Variants in PLXNA4 observed in about 807,000 individuals in gnomAD.
PLXNA4 encodes the protein plexin A4.
PLXNA4 carries 44 observed loss-of-function variants against 191.8 expected under a neutral mutation model. The observed-to-expected ratio is 0.23, with a 90% CI of 0.18 to 0.29. The LOEUF (loss-of-function observed/expected upper bound fraction) is 0.29. PLXNA4 is among the 10% of genes least tolerant of loss of function. The pLI, the probability that PLXNA4 is intolerant of heterozygous loss-of-function variation, is 1.00. For missense variants in PLXNA4, 1,800 were observed against 2,488.8 expected (o/e 0.72, Z 5.89); for synonymous variants, 1,082 against 1,009.5 (o/e 1.07, Z -1.36).
At chr7:132,646,184 CA>C (rs1322956244) in intron 1 of PLXNA4, 2 of 152,440 alleles carry the variant, frequency 1.3e-5, no homozygotes, top group Admixed American at 1.3e-4. Context: ...TCATAGAACA[CA>C]CTAATCTCCC....
intron 21 of PLXNA4, among the ~76,000 whole-genome samples, chr7:132,171,707 A>G (rs554113547): frequency 6.6e-6 from 1 of 152,284 alleles, no homozygotes; most frequent in Admixed American, 6.5e-5. Context: ...AGATTTTAGC[A>G]AAGCCACCTA....
intron 4 of PLXNA4, among the ~76,000 whole-genome samples, chr7:132,262,454 CT>C (rs1799682175): frequency 6.6e-6 from 1 of 152,098 alleles, no homozygotes; most frequent in East Asian, 1.9e-4. Flanking sequence ...CCTTGATGGG[CT>C]TTTTCCCCTT....
Position 132,569,783 on chromosome 7 carries a change from G to C in PLXNA4, c.-87+6639C>G, listed in dbSNP as rs961936305. 2.6e-5 allele frequency among the ~76,000 whole-genome samples: 4 copies of C among 152,168 alleles called. No individual in the cohort carries two copies. In the South Asian group the frequency reaches 8.3e-4, roughly 32 times the overall value. Reference sequence around the variant, plus strand: ...CTGTCTCTTTCCTTGGAAAGACAAGGGACAGGATAGGCTCTGAAGAAGGCT... The same window carrying C: ...CTGTCTCTTTCCTTGGAAAGACAAGCGACAGGATAGGCTCTGAAGAAGGCT... On this transcript the variant is annotated intron_variant, in intron 1 of 31. Coordinates refer to ENST00000321063, the MANE Select transcript of PLXNA4 (RefSeq NM_020911.2).
chr7:132,175,651 G>A (rs1434358125), intron 20 of PLXNA4, among the ~76,000 whole-genome samples: 1 of 152,206 alleles, frequency 6.6e-6, no homozygotes, highest in Non-Finnish European at 1.5e-5. Flanking sequence ...TGAGCATGCA[G>A]TAGAGCCTCA....
intron 20 of PLXNA4, among the ~76,000 whole-genome samples, chr7:132,177,405 G>A (rs1055930086): frequency 1.3e-5 from 2 of 152,240 alleles, no homozygotes; most frequent in African/African-American, 4.8e-5. Context: ...TTGGGCCAGT[G>A]CAGCCCTGTA....
At chr7:132,408,927 C>T (rs1563082575) in intron 3 of PLXNA4, among the ~76,000 whole-genome samples, 1 of 144,314 alleles carries the variant, frequency 6.9e-6, no homozygotes, top group Non-Finnish European at 1.5e-5. Flanking sequence ...CTAAAACCCA[C>T]TCTGCTCTCA....
Position 132,211,056 on chromosome 7 carries a change from G to C in PLXNA4, c.2185C>G (p.Gln729Glu). ...PITLKAKNLP[Q>E]PQSGQRGYEC... ...TAGCCACGCTGCCCAGACTGGGGCT[G>C]GGGGAGGTTCTTGGCCTTCAGCGTG... is the stretch of plus-strand genomic sequence containing the variant. Residue 729 changes from glutamine (Q) to glutamate (E), a missense_variant, in exon 10 of 32, where the codon CAG (glutamine) becomes GAG (glutamate). Gln to Glu is a conservative substitution (Grantham distance 29, BLOSUM62 2). Around this residue, in one of 6 missense-constraint regions of PLXNA4, gnomAD observed 1,397 missense variants for 1,880.4 expected, o/e 0.74. Coordinates refer to ENST00000321063, the MANE Select transcript of PLXNA4 (RefSeq NM_020911.2). The C allele has an allele frequency of 6.2e-7, 1 of 1,612,516 alleles. No individual in the cohort carries two copies. Among genetic ancestry groups the C allele is most frequent in the Non-Finnish European group, 8.5e-7 (1 of 1,179,358 alleles).
Position 132,440,809 on chromosome 7 carries a change from ACT to A in PLXNA4, c.1371+48481_1371+48482del, listed in dbSNP as rs530621328. ...AAAATGTTTTTAAAAATTGCATCTG[ACT>A]CTCTTGGCAGAAAACCTGCTGGGAT... On this transcript the variant is annotated intron_variant, in intron 3 of 31. Coordinates refer to ENST00000321063, the MANE Select transcript of PLXNA4 (RefSeq NM_020911.2). 2.5e-4 allele frequency among the ~76,000 whole-genome samples: 38 copies of A among 152,156 alleles called. No homozygotes were observed. The South Asian group carries it at 7.3e-3, about 29-fold the overall frequency.
chr7:132,586,921 C>T (rs11982380), intron 2 of PLXNA4, among the ~76,000 whole-genome samples: 2,987 of 152,264 alleles, frequency 0.02, 85 homozygotes, highest in African/African-American at 0.066. Flanking sequence ...CAGAGTGAGA[C>T]CTTGTCTCAA....
At chr7:132,146,776 G>T in intron 27 of PLXNA4, 76 bp from the exon 28 acceptor site, 5 of 1,573,174 alleles carry the variant, frequency 3.2e-6, no homozygotes, top group Non-Finnish European at 4.3e-6. Flanking sequence ...TGCATCCCTT[G>T]CTCCGGCAGA....
chr7:132,507,656 T>C lies in PLXNA4; in HGVS notation c.1038A>G (p.Lys346=). ...GGGCCGACTCATCCAGGGATTTCAT[T>C]TTCCGCTTCTGGCCCTTGGAGAAGA... ...FTVFSKGQKR[K]MKSLDESALC... Residue 346 remains lysine (K), a synonymous_variant, in exon 2 of 32, where the codon AAA becomes AAG. Transcript: ENST00000321063. 2 of 1,614,220 alleles carry C rather than the reference T, an allele frequency of 1.2e-6. No individual in the cohort carries two copies. The highest frequency in any genetic ancestry group is 1.7e-6 in the Non-Finnish European group (2 of 1,180,048).
intron 3 of PLXNA4, among the ~76,000 whole-genome samples, chr7:132,346,822 T>C (rs1803263357): frequency 6.6e-6 from 1 of 152,172 alleles, no homozygotes; most frequent in African/African-American, 2.4e-5. Flanking sequence ...CTAGAGAAAG[T>C]ATATTTGCAG....
intron 3 of PLXNA4, among the ~76,000 whole-genome samples, chr7:132,415,427 G>A (rs576972723): frequency 1.4e-4 from 21 of 152,302 alleles, no homozygotes; most frequent in African/African-American, 5.1e-4. Context: ...CTGCTGTTAG[G>A]AGATTTGTAT....
At chr7:132,624,488 G>A (rs567841321) in intron 2 of PLXNA4, among the ~76,000 whole-genome samples, 1 of 152,026 alleles carries the variant, frequency 6.6e-6, no homozygotes, top group South Asian at 2.1e-4. Flanking sequence ...GTCACATGGG[G>A]GTGTGTGTGT....
intron 15 of PLXNA4, among the ~76,000 whole-genome samples, chr7:132,186,654 C>G (rs60036349): frequency 0.19 from 29,309 of 152,136 alleles, 3,831 homozygotes; most frequent in African/African-American, 0.36. Context: ...GCAAAAATTT[C>G]TGACATAGAA....
chr7:132,425,820 G>C (rs73726053), intron 3 of PLXNA4, among the ~76,000 whole-genome samples: 1 of 152,218 alleles, frequency 6.6e-6, no homozygotes, highest in Non-Finnish European at 1.5e-5. Context: ...CCATCGAGGT[G>C]GGGGCGGGAG....
In PLXNA4 at chr7:132,127,918, A is replaced by C. The variant is rs1794816886; in HGVS notation, c.*2561T>G. ...ATAATCATCATCCAGTAAAAAATAAAAGCTTCAGCAGAACCGTGATAAGTC... is the reference window on the plus strand; with the variant it reads ...ATAATCATCATCCAGTAAAAAATAACAGCTTCAGCAGAACCGTGATAAGTC... On this transcript the variant is annotated 3_prime_UTR_variant, in exon 32 of 32. Coordinates refer to ENST00000321063, the MANE Select transcript of PLXNA4 (RefSeq NM_020911.2). 6.6e-6 allele frequency: 1 copy of C among 151,360 alleles called. No individual in the cohort carries two copies. Among genetic ancestry groups the C allele is most frequent in the Admixed American group, 6.6e-5 (1 of 15,152 alleles). The allele number at this position is 151,360 out of a possible 1,614,324, so 9.4% of individuals were successfully genotyped here.
At chr7:132,422,017 C>T (rs1275858439) in intron 3 of PLXNA4, among the ~76,000 whole-genome samples, 1 of 152,190 alleles carries the variant, frequency 6.6e-6, no homozygotes, top group Non-Finnish European at 1.5e-5. Flanking sequence ...TTCAAAGTGC[C>T]CTGAGCCTTT....
chr7:132,225,961 C>A (rs1798309008), intron 8 of PLXNA4, among the ~76,000 whole-genome samples, 200 bp downstream of exon 8: 1 of 149,910 alleles, frequency 6.7e-6, no homozygotes, highest in Non-Finnish European at 1.5e-5. Context: ...CCTGTGGGTA[C>A]CAGAGGAGAG....
Sources: allele counts gnomAD v4.1 joint callset (sites outside exome capture counted in the v4.1 genomes callset), GRCh38; gene constraint gnomAD v4.1.1; regional missense constraint gnomAD v4.1.1; transcripts MANE v1.5; gene names NCBI Gene and HGNC (gene_info 2026-07-23, HGNC 2026-07-21).